Variants in ZNF329 observed in about 807,000 individuals in gnomAD.
ZNF329 encodes the protein zinc finger protein 329.
In ZNF329, 15 loss-of-function variants were observed where a neutral mutation model predicts 26.6. The ratio of observed to expected loss-of-function variants is 0.56; its 90% CI spans 0.38 to 0.87. The LOEUF (loss-of-function observed/expected upper bound fraction) is 0.87, where lower values mean the gene tolerates loss of function less well. ZNF329 is among the 40% of genes least tolerant of loss of function. The pLI is 0.00. For synonymous variants in ZNF329, 239 were observed against 233.5 expected (o/e 1.02, Z -0.21); for missense variants, 651 against 651.9 (o/e 1.00, Z 0.02).
At chr19:58,146,945 G>C (rs1346253131) in intron 1 of ZNF329, among the ~76,000 whole-genome samples, 5 of 152,154 alleles carry the variant, frequency 3.3e-5, no homozygotes, top group Admixed American at 2.6e-4. Context: ...CCAAAGTGCC[G>C]AGAGTGCAGC....
chr19:58,137,058 TAAAAA>T (rs11355450), intron 3 of ZNF329: 2,777 of 123,918 alleles, frequency 0.022, 79 homozygotes, highest in African/African-American at 0.076. Flanking sequence ...TAAGTACAGA[TAAAAA>T]AAAAAAAAAA....
Position 58,127,105 on chromosome 19 carries a change from G to C in ZNF329, c.*773C>G, listed in dbSNP as rs1386075421. 6.6e-6 allele frequency: 1 copy of C among 152,206 alleles called. No individual in the cohort carries two copies. The highest frequency in any genetic ancestry group is 1.5e-5 in the Non-Finnish European group (1 of 68,054). The allele number at this position is 152,206 out of a possible 1,614,324, so 9.4% of individuals were successfully genotyped here. A position where few individuals can be genotyped will look rare whatever the true frequency, so the allele number is the denominator to read the frequency against. ...AGGAAAATCTCACACATTCTGTGGTGTGTGCAGTACAGCACTGTGTGGACT... is the reference window on the plus strand; with the variant it reads ...AGGAAAATCTCACACATTCTGTGGTCTGTGCAGTACAGCACTGTGTGGACT... On this transcript the variant is annotated 3_prime_UTR_variant, in exon 4 of 4. Transcript: ENST00000598312.
At chr19:58,146,483 A>AG (rs1482464418) in intron 1 of ZNF329, among the ~76,000 whole-genome samples, 1 of 134,626 alleles carries the variant, frequency 7.4e-6, no homozygotes, top group Admixed American at 7.4e-5. Context: ...TTAAAAAAAA[A>AG]AAGTAGGTGG....
In ZNF329 at chr19:58,128,152, C is replaced by A; in HGVS notation, c.1352G>T (p.Gly451Val). The change falls in exon 4 of 4, where the codon GGT becomes GTT. Residue 451 changes from glycine to valine, a missense_variant. Coordinates refer to ENST00000598312, the MANE Select transcript of ZNF329 (RefSeq NM_024620.4). ...GLIRHQRTHT[G>V]EKPYECNQCG... ...CTGATTACACTCATAGGGCTTCTCACCAGTATGAGTCCTCTGGTGCCTAAT... is the reference window on the plus strand; with the variant it reads ...CTGATTACACTCATAGGGCTTCTCAACAGTATGAGTCCTCTGGTGCCTAAT... 1.3e-6 allele frequency: 2 copies of A among 1,588,080 alleles called. No individual in the cohort carries two copies. Among genetic ancestry groups the A allele is most frequent in the Non-Finnish European group, 1.7e-6 (2 of 1,168,148 alleles).
chr19:58,147,160 G>A (rs1392302451), intron 1 of ZNF329, among the ~76,000 whole-genome samples: 10 of 149,540 alleles, frequency 6.7e-5, no homozygotes, highest in South Asian at 4.2e-4. Context: ...CCTCTGCCCC[G>A]CCGCCCCATC....
At chr19:58,149,802 G>A (rs917501170) in intron 1 of ZNF329, among the ~76,000 whole-genome samples, 4 of 152,130 alleles carry the variant, frequency 2.6e-5, no homozygotes, top group African/African-American at 7.2e-5. Context: ...ATTCATCAAT[G>A]GTACAGGGAA....
At chr19:58,135,905 A>C (rs555656124) in intron 3 of ZNF329, among the ~76,000 whole-genome samples, 58 of 152,316 alleles carry the variant, frequency 3.8e-4, no homozygotes, top group African/African-American at 1.4e-3. Context: ...AGTAATTGAC[A>C]GATCAAAGAG....
intron 3 of ZNF329, chr19:58,136,982 G>C (rs2075083882): frequency 1.5e-5 from 3 of 195,200 alleles, no homozygotes; most frequent in South Asian, 2.2e-4. Context: ...TAAACTCAAA[G>C]TGATATGTAC....
At chr19:58,137,173 G>T (rs1029705560) in intron 3 of ZNF329, 3 of 151,944 alleles carry the variant, frequency 2.0e-5, no homozygotes, top group Non-Finnish European at 4.4e-5. Flanking sequence ...GAAGACCGAA[G>T]ACTAGTGATC....
chr19:58,141,824 C>T (rs1424653725), intron 3 of ZNF329, among the ~76,000 whole-genome samples: 2 of 151,380 alleles, frequency 1.3e-5, no homozygotes, highest in Admixed American at 6.6e-5. Flanking sequence ...ACCCAAGAGG[C>T]GGAGGTTGCA....
At chr19:58,139,783 A>G (rs548503278) in intron 3 of ZNF329, among the ~76,000 whole-genome samples, 2 of 152,320 alleles carry the variant, frequency 1.3e-5, no homozygotes, top group South Asian at 2.1e-4. Context: ...AATGATGATC[A>G]ATATCATTAG....
intron 1 of ZNF329, among the ~76,000 whole-genome samples, chr19:58,143,669 A>C (rs2075234846): frequency 6.6e-6 from 1 of 152,216 alleles, no homozygotes; most frequent in Admixed American, 6.5e-5. Flanking sequence ...AAGTAAGTAT[A>C]TCTCGTGCTG....
upstream of ZNF329, among the ~76,000 whole-genome samples, chr19:58,153,674 C>G (rs564582038): frequency 2.0e-5 from 3 of 152,276 alleles, no homozygotes; most frequent in South Asian, 6.2e-4. Context: ...CTTTCTACAT[C>G]AAGATAAGCA....
At chr19:58,140,325 C>A (rs2075155852) in intron 3 of ZNF329, among the ~76,000 whole-genome samples, 1 of 151,572 alleles carries the variant, frequency 6.6e-6, no homozygotes, top group South Asian at 2.1e-4. Context: ...GAGTACACTG[C>A]AAAACAGATT....
upstream of ZNF329, among the ~76,000 whole-genome samples, chr19:58,154,299 G>C (rs957522943): frequency 6.6e-6 from 1 of 152,246 alleles, no homozygotes; most frequent in Admixed American, 6.5e-5. Flanking sequence ...GTCAGCCACA[G>C]CTGTAACTTA....
chr19:58,144,136 G>A (rs1009043826), intron 1 of ZNF329, among the ~76,000 whole-genome samples: 6 of 151,838 alleles, frequency 4.0e-5, no homozygotes, highest in African/African-American at 1.4e-4. Flanking sequence ...TGAGTTATCA[G>A]AGTAGAAAAA....
In ZNF329 at chr19:58,126,547, G is replaced by C. The variant is rs1490833194; in HGVS notation, c.*1331C>G. 2 of 152,204 alleles carry C rather than the reference G, an allele frequency of 1.3e-5. No homozygotes were observed. The highest frequency in any genetic ancestry group is 2.9e-5 in the Non-Finnish European group (2 of 68,042). The allele number at this position is 152,204 out of a possible 1,614,324, so 9.4% of individuals were successfully genotyped here. On this transcript the variant is annotated 3_prime_UTR_variant, in exon 4 of 4. Transcript: ENST00000598312. ...TCCTAAATGAACAACCATGGAGGTA[G>C]TGGTGGGGTGATAACATAAACATAA... is the stretch of plus-strand genomic sequence containing the variant.
At chr19:58,144,468 AC>A (rs1197389730) in intron 1 of ZNF329, among the ~76,000 whole-genome samples, 1 of 151,208 alleles carries the variant, frequency 6.6e-6, no homozygotes, top group Non-Finnish European at 1.5e-5. Context: ...GCTCACTGCA[AC>A]CTCCGCTTCC....
chr19:58,149,878 A>C (rs1344265257), intron 1 of ZNF329, among the ~76,000 whole-genome samples: 1 of 152,176 alleles, frequency 6.6e-6, no homozygotes, highest in Admixed American at 6.5e-5. Flanking sequence ...ACTGAACTCT[A>C]ATTCATGGTA....
Sources: allele counts gnomAD v4.1 joint callset (sites outside exome capture counted in the v4.1 genomes callset), GRCh38; gene constraint gnomAD v4.1.1; transcripts MANE v1.5; gene names NCBI Gene and HGNC (gene_info 2026-07-23, HGNC 2026-07-21).